Variants in MSI2 observed in about 807,000 individuals in gnomAD.
The protein encoded by MSI2 is RNA-binding protein Musashi homolog 2.
MSI2 carries 17 observed loss-of-function variants against 45.6 expected under a neutral mutation model. That is an observed-to-expected ratio of 0.37 (90% CI 0.26 to 0.56). The LOEUF (loss-of-function observed/expected upper bound fraction) is 0.56, where lower values mean the gene tolerates loss of function less well. Among genes scored for constraint, MSI2 ranks in the 20% least tolerant of loss-of-function variants. MSI2 has a pLI of 0.77. For missense variants in MSI2, 293 were observed against 444.2 expected (o/e 0.66, Z 3.06); for synonymous variants, 156 against 158.2 (o/e 0.99, Z 0.11).
chr17:57,258,545 C>T (rs990014002), intron 4 of MSI2, among the ~76,000 whole-genome samples, 191 bp downstream of exon 4: 1 of 152,202 alleles, frequency 6.6e-6, no homozygotes, highest in Non-Finnish European at 1.5e-5. Flanking sequence ...GAGCCTGTCC[C>T]ATTGCAGCTT....
intron 7 of MSI2, among the ~76,000 whole-genome samples, chr17:57,584,056 G>T (rs2088278528): frequency 6.6e-6 from 1 of 152,178 alleles, no homozygotes; most frequent in South Asian, 2.1e-4. Flanking sequence ...CTCCCTGGTG[G>T]TGTGGATGTG....
At position 57,552,150 on chromosome 17, in the gene MSI2, C is replaced by T. The variant is rs909073816; in HGVS notation, c.454+22426C>T. Among the ~76,000 whole-genome samples the T allele has an allele frequency of 6.6e-6, 1 of 152,232 alleles. No homozygotes were observed. The highest frequency in any genetic ancestry group is 1.5e-5 in the Non-Finnish European group (1 of 68,030). On this transcript the variant is annotated intron_variant, in intron 7 of 13. Coordinates refer to ENST00000284073, the MANE Select transcript of MSI2 (RefSeq NM_138962.4). This position sits in a 1 kb window ranked among gnomAD's most constrained non-coding sequence, Gnocchi z 4.3. Reference sequence around the variant, plus strand: ...CCAGGACTGGCCACACACCAGGGCTCTGTCCCCCGACTTCCTCACTAGACC... The same window carrying T: ...CCAGGACTGGCCACACACCAGGGCTTTGTCCCCCGACTTCCTCACTAGACC...
At chr17:57,353,061 C>T (rs1211455221) in intron 5 of MSI2, among the ~76,000 whole-genome samples, 1 of 152,210 alleles carries the variant, frequency 6.6e-6, no homozygotes, top group Non-Finnish European at 1.5e-5. Flanking sequence ...CCTTTTATTT[C>T]TGGAAAGTTG....
chr17:57,553,068 C>T (rs369554822), intron 7 of MSI2, among the ~76,000 whole-genome samples: 37 of 152,284 alleles, frequency 2.4e-4, no homozygotes, highest in African/African-American at 7.7e-4. Context: ...TAATGAGAGA[C>T]GCCTGGCCTA....
Position 57,581,004 on chromosome 17 carries a change from C to CTTTTTTTTTTTTTTTTTTTTTT in MSI2, c.455-15859_455-15838dup, listed in dbSNP as rs3059122. 1.2e-4 allele frequency among the ~76,000 whole-genome samples: 8 copies of CTTTTTTTTTTTTTTTTTTTTTT among 66,502 alleles called. 3 individuals are homozygous for CTTTTTTTTTTTTTTTTTTTTTT. In the East Asian group the frequency reaches 1.7e-3, roughly 14 times the overall value. The allele number at this position is 66,502 out of a possible 152,430, so 43.6% of individuals were successfully genotyped here. On this transcript the variant is annotated intron_variant, in intron 7 of 13. Transcript: ENST00000284073. ...CATGCCAGCCCCATGAGGTCAGCATCTTTTTTTTTTTTTTTTTTTTTTTTT... is the reference window on the plus strand; with the variant it reads ...CATGCCAGCCCCATGAGGTCAGCATCTTTTTTTTTTTTTTTTTTTTTTTTTTTTTTTTTTTTTTTTTTTTTTT...
intron 7 of MSI2, among the ~76,000 whole-genome samples, chr17:57,533,148 G>C (rs1259360625): frequency 2.0e-5 from 3 of 152,180 alleles, no homozygotes; most frequent in African/African-American, 4.8e-5. Flanking sequence ...GTTGGTCTCT[G>C]TTGGGGCAGG....
intron 6 of MSI2, among the ~76,000 whole-genome samples, chr17:57,494,617 A>G (rs2085939973): frequency 1.3e-5 from 2 of 152,176 alleles, no homozygotes; most frequent in Non-Finnish European, 2.9e-5. Context: ...TGTGCTGGGC[A>G]CCATTCCAGT....
At chr17:57,539,960 C>T (rs2087007279) in intron 7 of MSI2, among the ~76,000 whole-genome samples, 1 of 152,196 alleles carries the variant, frequency 6.6e-6, no homozygotes. Flanking sequence ...TTGTTTATGG[C>T]TTAGGAGTCA....
chr17:57,267,394 G>C (rs777625742), intron 5 of MSI2: 3 of 152,200 alleles, frequency 2.0e-5, no homozygotes, highest in Middle Eastern at 3.4e-3. Context: ...ACATGCTTTC[G>C]TTTCATTGTT....
At chr17:57,468,729 C>T (rs985606260) in intron 6 of MSI2, among the ~76,000 whole-genome samples, 1 of 151,906 alleles carries the variant, frequency 6.6e-6, no homozygotes, top group African/African-American at 2.4e-5. Context: ...GGGATGCAGT[C>T]GGTGTGGTAG....
chr17:57,307,977 G>A (rs897119340), intron 5 of MSI2, among the ~76,000 whole-genome samples: 9 of 152,202 alleles, frequency 5.9e-5, no homozygotes, highest in African/African-American at 2.2e-4. Context: ...CTTCCATAGA[G>A]CCTGACAGAC....
rs1453764664 is a variant in MSI2 at position 57,681,042 on chromosome 17, A to G, written c.*1525A>G. The G allele has an allele frequency of 2.7e-5, 5 of 185,418 alleles. No individual in the cohort carries two copies. The East Asian group carries it at 3.5e-4, about 13-fold the overall frequency. 11.5% of individuals were successfully genotyped at this position (185,418 alleles called of 1,614,324 possible). On this transcript the variant is annotated 3_prime_UTR_variant, in exon 14 of 14. Transcript: ENST00000284073. ...ATACCTCAGTGCTGCAAGTATCACC[A>G]GAGAGGCTATGGAAGAATTTTTTTT...
At chr17:57,501,822 A>G (rs2068696615) in intron 6 of MSI2, among the ~76,000 whole-genome samples, 1 of 152,210 alleles carries the variant, frequency 6.6e-6, no homozygotes, top group African/African-American at 2.4e-5. Context: ...TGGGTTTTTC[A>G]GGAAGATTTA....
At chr17:57,362,563 A>G (rs1916884319) in intron 5 of MSI2, among the ~76,000 whole-genome samples, 1 of 152,148 alleles carries the variant, frequency 6.6e-6, no homozygotes, top group Admixed American at 6.5e-5. Context: ...TTTTCTAACA[A>G]TTTTATTTTA....
At chr17:57,585,428 TG>T (rs2088319821) in intron 7 of MSI2, among the ~76,000 whole-genome samples, 1 of 152,210 alleles carries the variant, frequency 6.6e-6, no homozygotes, top group African/African-American at 2.4e-5. Context: ...GTGGATCATT[TG>T]TCTCACAGAG....
At chr17:57,665,294 A>G (rs1365399135) in intron 11 of MSI2, among the ~76,000 whole-genome samples, 1 of 152,234 alleles carries the variant, frequency 6.6e-6, no homozygotes, top group Non-Finnish European at 1.5e-5. Flanking sequence ...AGCAGCCTGC[A>G]GCAACTGTAA....
At chr17:57,479,138 T>C (rs2085599315) in intron 6 of MSI2, among the ~76,000 whole-genome samples, 1 of 152,084 alleles carries the variant, frequency 6.6e-6, no homozygotes, top group South Asian at 2.1e-4. Flanking sequence ...AATAGAGCCC[T>C]ACAAAATGAT....
At chr17:57,523,504 G>A (rs948499328) in intron 6 of MSI2, 12 of 152,156 alleles carry the variant, frequency 7.9e-5, no homozygotes, top group Admixed American at 7.9e-4. Flanking sequence ...TTAGAAAGAG[G>A]GTTCACTCAT....
Position 57,529,812 on chromosome 17 carries a change from G to A in MSI2, c.454+88G>A. On this transcript the variant is annotated intron_variant, in intron 7 of 13. Coordinates refer to ENST00000284073, the MANE Select transcript of MSI2 (RefSeq NM_138962.4). The surrounding 1 kb of genome is among the most constrained non-coding windows in gnomAD (Gnocchi z 5.3). ...CCCAGTCCCACTGACAAAAGATACA[G>A]TGAAGAGTCCAGAGTCAAGCAGGTA... 3 of 1,122,140 alleles carry A rather than the reference G, an allele frequency of 2.7e-6. No homozygotes were observed. Among genetic ancestry groups the A allele is most frequent in the South Asian group, 1.4e-5 (1 of 71,652 alleles). 69.5% of individuals were successfully genotyped at this position (1,122,140 alleles called of 1,614,324 possible).
Sources: gnomAD v4.1 joint callset for allele counts (sites outside exome capture counted in the v4.1 genomes callset) on GRCh38, gnomAD v4.1.1 for gene constraint, Gnocchi (gnomAD v3.1) non-coding constraint, MANE v1.5 for transcripts, NCBI Gene and HGNC (gene_info 2026-07-23, HGNC 2026-07-21) for gene names.